Variants in KLHL1 observed in about 807,000 individuals in gnomAD.
KLHL1 encodes the protein kelch like family member 1.
Under a neutral mutation model 77.7 loss-of-function variants are expected in KLHL1, and 47 were observed. That is an observed-to-expected ratio of 0.60 (90% CI 0.48 to 0.77). KLHL1 has a LOEUF of 0.77. Ranked by LOEUF, KLHL1 falls within the 30% of genes least tolerant of loss-of-function variation. The pLI, the probability that KLHL1 is intolerant of heterozygous loss-of-function variation, is 0.00. For synonymous variants in KLHL1, 360 were observed against 325.2 expected, an observed-to-expected ratio of 1.11 and a Z score of -1.15; for missense variants, 925 against 910.8, an observed-to-expected ratio of 1.02 and a Z score of -0.20.
chr13:69,728,948 A>G (rs1443943660), intron 8 of KLHL1, among the ~76,000 whole-genome samples: 1 of 152,158 alleles, frequency 6.6e-6, no homozygotes, highest in East Asian at 1.9e-4. Context: ...TTAAAATTCA[A>G]GCCTACTTAT....
intron 8 of KLHL1, among the ~76,000 whole-genome samples, chr13:69,723,351 C>G (rs973937586): frequency 6.6e-6 from 1 of 152,060 alleles, no homozygotes; most frequent in African/African-American, 2.4e-5. Flanking sequence ...AGTAATGATA[C>G]ATGTTTAAGG....
chr13:69,838,159 A>G (rs1879102216), intron 6 of KLHL1, among the ~76,000 whole-genome samples: 1 of 151,684 alleles, frequency 6.6e-6, no homozygotes, highest in African/African-American at 2.4e-5. Flanking sequence ...AGTGATTGAA[A>G]TAAGTTTTTT....
chr13:69,966,085 C>A (rs931971638), intron 2 of KLHL1, among the ~76,000 whole-genome samples: 1 of 152,010 alleles, frequency 6.6e-6, no homozygotes, highest in Non-Finnish European at 1.5e-5. Context: ...TTGTTCCAAC[C>A]TAACAGAAGC....
At chr13:69,998,587 T>G (rs1885213590) in intron 1 of KLHL1, among the ~76,000 whole-genome samples, 1 of 152,070 alleles carries the variant, frequency 6.6e-6, no homozygotes, top group Non-Finnish European at 1.5e-5. Context: ...TCAATCCCCT[T>G]GGTACTTATT....
intron 2 of KLHL1, among the ~76,000 whole-genome samples, chr13:69,974,237 A>G (rs1379696776): frequency 6.6e-6 from 1 of 151,408 alleles, no homozygotes. Flanking sequence ...ATGATTGATA[A>G]TAATGTATTT....
At chr13:69,959,124 C>G (rs1273616752) in intron 3 of KLHL1, among the ~76,000 whole-genome samples, 1 of 152,050 alleles carries the variant, frequency 6.6e-6, no homozygotes, top group Non-Finnish European at 1.5e-5. Flanking sequence ...AGCTGAGAGG[C>G]ATTTTTGTAT....
At chr13:70,100,504 T>G (rs188868021) in intron 1 of KLHL1, among the ~76,000 whole-genome samples, 19 of 152,246 alleles carry the variant, frequency 1.2e-4, no homozygotes, top group African/African-American at 4.3e-4. Context: ...AATAAAAAGT[T>G]TTGTATTTTT....
intron 1 of KLHL1, among the ~76,000 whole-genome samples, chr13:69,987,455 G>A (rs1043781765): frequency 1.3e-5 from 2 of 151,938 alleles, no homozygotes; most frequent in Non-Finnish European, 2.9e-5. Flanking sequence ...ATAAAAATCA[G>A]CTTTTTTTCT....
intron 7 of KLHL1, among the ~76,000 whole-genome samples, chr13:69,793,494 G>GT (rs59126736): frequency 0.51 from 31,101 of 60,882 alleles, 3,527 homozygotes; most frequent in South Asian, 0.58. Flanking sequence ...ATAAAATCAT[G>GT]TAAGTTTTTT....
At chr13:69,840,958 C>T (rs1301995795) in intron 5 of KLHL1, among the ~76,000 whole-genome samples, 1 of 151,536 alleles carries the variant, frequency 6.6e-6, no homozygotes, top group African/African-American at 2.4e-5. Context: ...AATAATTAAC[C>T]TCTACAGTAC....
chr13:69,783,358 C>T (rs1876333343), intron 7 of KLHL1, among the ~76,000 whole-genome samples: 1 of 152,102 alleles, frequency 6.6e-6, no homozygotes, highest in South Asian at 2.1e-4. Flanking sequence ...AAGAAGTCTC[C>T]AGACGATCAA....
At chr13:69,953,757 T>C (rs1027479226) in intron 3 of KLHL1, among the ~76,000 whole-genome samples, 2 of 151,170 alleles carry the variant, frequency 1.3e-5, no homozygotes, top group Non-Finnish European at 3.0e-5. Context: ...CTGAAACATA[T>C]AATAAATTGG....
chr13:70,047,544 C>CA (rs1008544277), intron 1 of KLHL1, among the ~76,000 whole-genome samples: 4 of 152,062 alleles, frequency 2.6e-5, no homozygotes, highest in African/African-American at 9.7e-5. Context: ...ATAATGTAGA[C>CA]AACCCATTCC....
At position 70,002,847 on chromosome 13, in the gene KLHL1, T is replaced by C. The variant is rs1593665800; in HGVS notation, c.498-27045A>G. ...AGAATGGGCATACATTTACATGATC[T>C]GGTTGAAATACATTCTTAAGCAAGT... is the stretch of plus-strand genomic sequence containing the variant. On this transcript the variant is annotated intron_variant, in intron 1 of 10. Transcript: ENST00000377844. 2.0e-5 allele frequency among the ~76,000 whole-genome samples: 3 copies of C among 151,814 alleles called. No individual in the cohort carries two copies. The South Asian group carries it at 6.2e-4, about 31-fold the overall frequency.
At chr13:70,024,277 C>T (rs1406894574) in intron 1 of KLHL1, among the ~76,000 whole-genome samples, 1 of 151,768 alleles carries the variant, frequency 6.6e-6, no homozygotes, top group Non-Finnish European at 1.5e-5. Flanking sequence ...AAAGTTTTGA[C>T]AATTTCTTAA....
At chr13:69,713,528 TTTAA>T (rs1192445723) in intron 9 of KLHL1, among the ~76,000 whole-genome samples, 2 of 152,136 alleles carry the variant, frequency 1.3e-5, no homozygotes, top group Non-Finnish European at 2.9e-5. Context: ...CAGATATTCA[TTTAA>T]TTGTCATTGT....
At chr13:69,961,116 AATGTAT>A (rs1172966488) in intron 3 of KLHL1, among the ~76,000 whole-genome samples, 186 bp downstream of exon 3, 1 of 152,056 alleles carries the variant, frequency 6.6e-6, no homozygotes, top group Non-Finnish European at 1.5e-5. Context: ...GGAAGAACGA[AATGTAT>A]ATGTATACAT....
At chr13:69,890,808 C>T (rs541190939) in intron 4 of KLHL1, among the ~76,000 whole-genome samples, 1 of 152,102 alleles carries the variant, frequency 6.6e-6, no homozygotes, top group African/African-American at 2.4e-5. Context: ...AATATACCTG[C>T]ATTTTTCTTA....
chr13:69,910,218 C>T (rs1352035030), intron 4 of KLHL1, among the ~76,000 whole-genome samples: 1 of 151,852 alleles, frequency 6.6e-6, no homozygotes, highest in Non-Finnish European at 1.5e-5. Flanking sequence ...AGATCCATGA[C>T]ATCATTATAT....
Sources: gnomAD v4.1 joint callset for allele counts (sites outside exome capture counted in the v4.1 genomes callset) on GRCh38, gnomAD v4.1.1 for gene constraint, MANE v1.5 for transcripts, NCBI Gene and HGNC (gene_info 2026-07-23, HGNC 2026-07-21) for gene names.